SHANK2: variants seen among roughly 807,000 people sequenced by gnomAD.
The protein encoded by SHANK2 is SH3 and multiple ankyrin repeat domains 2.
SHANK2 carries 43 observed loss-of-function variants against 133.7 expected under a neutral mutation model. That is an observed-to-expected ratio of 0.32 (90% CI 0.25 to 0.41). The LOEUF (loss-of-function observed/expected upper bound fraction) is 0.41, where lower values mean the gene tolerates loss of function less well. Ranked by LOEUF, SHANK2 falls within the 10% of genes least tolerant of loss-of-function variation. The pLI, the probability that SHANK2 is intolerant of heterozygous loss-of-function variation, is 1.00. For synonymous variants in SHANK2, 1,017 were observed against 952.8 expected, an observed-to-expected ratio of 1.07 and a Z score of -1.24; for missense variants, 1,994 against 2,235.8, an observed-to-expected ratio of 0.89 and a Z score of 2.18.
In SHANK2 at chr11:70,820,570, G is replaced by A. The variant is rs571788090; in HGVS notation, c.1287C>T (p.Ser429=). 1.6e-4 allele frequency: 116 copies of A among 716,930 alleles called. 1 individual carries two copies. The highest frequency in any genetic ancestry group is 9.3e-4 in the South Asian group (63 of 67,566). The allele number at this position is 716,930 out of a possible 1,614,324, so 44.4% of individuals were successfully genotyped here. A position where few individuals can be genotyped will look rare whatever the true frequency, so the allele number is the denominator to read the frequency against. Residue 429 remains serine, a synonymous_variant, in exon 12 of 26, where the codon AGC becomes AGT. Transcript: ENST00000601538. ...TGGAGCAGACGGCCCAGTCGGGAGC[G>A]CTGGCATTGAGGTTGTTGTCACTGT... ...RSNSDNNLNA[S]APDWAVCSTA...
At chr11:70,508,405 C>G (rs2059160644) in intron 17 of SHANK2, among the ~76,000 whole-genome samples, 1 of 152,260 alleles carries the variant, frequency 6.6e-6, no homozygotes, top group South Asian at 2.1e-4. Context: ...GCCCCCTGCC[C>G]TACTTTGCCT....
At chr11:70,553,066 C>A (rs546974254) in intron 17 of SHANK2, among the ~76,000 whole-genome samples, 2 of 152,070 alleles carry the variant, frequency 1.3e-5, no homozygotes, top group Admixed American at 1.3e-4. Flanking sequence ...TTAAGGCCCC[C>A]TCTAATGGCC....
intron 11 of SHANK2, among the ~76,000 whole-genome samples, chr11:70,837,302 C>A (rs1555060299): frequency 6.6e-6 from 1 of 152,208 alleles, no homozygotes; most frequent in African/African-American, 2.4e-5. Context: ...TGCTCCCTCA[C>A]CCACACGGGC....
At chr11:71,122,126 C>T (rs1256719350) in intron 3 of SHANK2, among the ~76,000 whole-genome samples, 1 of 152,176 alleles carries the variant, frequency 6.6e-6, no homozygotes, top group East Asian at 1.9e-4. Context: ...TACCATTTGA[C>T]CCAGTGATCC....
chr11:71,119,310 G>A (rs1347599340), intron 3 of SHANK2, among the ~76,000 whole-genome samples: 7 of 152,160 alleles, frequency 4.6e-5, no homozygotes, highest in Non-Finnish European at 7.3e-5. Flanking sequence ...GGCCGGGTGC[G>A]GTGGCTCACG....
chr11:71,166,323 G>C (rs1174925941), intron 2 of SHANK2, among the ~76,000 whole-genome samples: 1 of 152,192 alleles, frequency 6.6e-6, no homozygotes, highest in Non-Finnish European at 1.5e-5. Flanking sequence ...TTGAGCACTG[G>C]AAGGATCTAG....
At chr11:70,863,453 A>G (rs1555068295) in intron 11 of SHANK2, 1 of 457,758 alleles carries the variant, frequency 2.2e-6, no homozygotes, top group Admixed American at 2.3e-5. Context: ...ACTCCTGGCC[A>G]CGGCTATGTG....
intron 15 of SHANK2, among the ~76,000 whole-genome samples, chr11:70,663,260 C>T (rs1345630935): frequency 3.3e-5 from 5 of 152,178 alleles, no homozygotes; most frequent in Admixed American, 6.5e-5. Context: ...ACCAGGTTCA[C>T]GGTCTACAGG....
At chr11:71,086,095 A>ATATATTATG (rs1590895387) in intron 8 of SHANK2, among the ~76,000 whole-genome samples, 17 of 8,660 alleles carry the variant, frequency 2.0e-3, no homozygotes, top group Admixed American at 6.5e-3. Flanking sequence ...AATATATTAA[A>ATATATTATG]TTATATAATA....
chr11:70,481,937 T>C (rs918395541), intron 25 of SHANK2, among the ~76,000 whole-genome samples: 1 of 142,658 alleles, frequency 7.0e-6, no homozygotes, highest in Admixed American at 7.3e-5. Flanking sequence ...GGGGGACAGC[T>C]CTGGTGCCCT....
At chr11:70,538,922 T>G (rs2059578690) in intron 17 of SHANK2, among the ~76,000 whole-genome samples, 1 of 152,214 alleles carries the variant, frequency 6.6e-6, no homozygotes, top group Admixed American at 6.5e-5. Flanking sequence ...GCTACTGAGA[T>G]GCAGCCTAGA....
intron 11 of SHANK2, among the ~76,000 whole-genome samples, chr11:70,825,855 T>A (rs1948629453): frequency 6.6e-6 from 1 of 152,240 alleles, no homozygotes; most frequent in African/African-American, 2.4e-5. Flanking sequence ...GTTTCCTTCT[T>A]TTAGGCAATC....
At chr11:70,793,047 C>A (rs1449638150) in intron 14 of SHANK2, among the ~76,000 whole-genome samples, 1 of 152,072 alleles carries the variant, frequency 6.6e-6, no homozygotes, top group Non-Finnish European at 1.5e-5. Context: ...CACAGCAAGA[C>A]CCTGACTCAA....
At chr11:70,557,071 T>C (rs969931617) in intron 17 of SHANK2, among the ~76,000 whole-genome samples, 1 of 152,176 alleles carries the variant, frequency 6.6e-6, no homozygotes, top group African/African-American at 2.4e-5. Flanking sequence ...TGTAGTGGCA[T>C]TGCTGGTGTG....
At chr11:70,600,319 T>C (rs1237952761) in intron 17 of SHANK2, among the ~76,000 whole-genome samples, 1 of 148,762 alleles carries the variant, frequency 6.7e-6, no homozygotes, top group Non-Finnish European at 1.5e-5. Context: ...CTCAGGAGGC[T>C]GAGGCATGAG....
At chr11:71,156,132 C>G (rs1435922292) in intron 2 of SHANK2, among the ~76,000 whole-genome samples, 1 of 152,224 alleles carries the variant, frequency 6.6e-6, no homozygotes, top group Non-Finnish European at 1.5e-5. Context: ...ACACCTTGAT[C>G]TTGGACAAAC....
intron 11 of SHANK2, among the ~76,000 whole-genome samples, chr11:70,876,204 T>C (rs1302339044): frequency 6.7e-6 from 1 of 150,228 alleles, no homozygotes; most frequent in Non-Finnish European, 1.5e-5. Context: ...ATACATAATA[T>C]ACACACATGT....
At chr11:70,598,112 T>C (rs1347922823) in intron 17 of SHANK2, among the ~76,000 whole-genome samples, 1 of 151,966 alleles carries the variant, frequency 6.6e-6, no homozygotes, top group Admixed American at 6.6e-5. Context: ...TGCGCTGGAG[T>C]CCAGAGCCAG....
At position 70,470,823 on chromosome 11, in the gene SHANK2, C is replaced by T. The variant is rs141477657; in HGVS notation, c.*2046G>A. On this transcript the variant is annotated 3_prime_UTR_variant, in exon 26 of 26. Coordinates refer to ENST00000601538, the MANE Select transcript of SHANK2 (RefSeq NM_012309.5). ...AACAGAAGGTCCAAAAACTTGGTTC[C>T]AACATCAGGGGTGTGTGACTGGAAA... 3.9e-5 allele frequency: 6 copies of T among 153,452 alleles called. No individual in the cohort carries two copies. The highest frequency in any genetic ancestry group is 1.4e-4 in the African/African-American group (6 of 41,512). The allele number at this position is 153,452 out of a possible 1,614,324, so 9.5% of individuals were successfully genotyped here. A position where few individuals can be genotyped will look rare whatever the true frequency, so the allele number is the denominator to read the frequency against.
Sources: allele counts gnomAD v4.1 joint callset (sites outside exome capture counted in the v4.1 genomes callset), GRCh38; gene constraint gnomAD v4.1.1; transcripts MANE v1.5; gene names NCBI Gene and HGNC (gene_info 2026-07-23, HGNC 2026-07-21).